The following SDC2 variants were observed in gnomAD, a reference collection of about 807,000 sequenced individuals.
SDC2 encodes syndecan 2.
A neutral mutation model predicts 22.2 loss-of-function variants in SDC2; 13 were observed. That is an observed-to-expected ratio of 0.59 (90% CI 0.38 to 0.93). The LOEUF is 0.93. SDC2 is among the 40% of genes least tolerant of loss of function. SDC2 has a pLI of 0.00. For synonymous variants in SDC2, 94 were observed against 92.8 expected (o/e 1.01, Z -0.07); for missense variants, 235 against 246.8 (o/e 0.95, Z 0.32).
At chr8:96,523,653 T>C (rs1022657684) in intron 1 of SDC2, among the ~76,000 whole-genome samples, 1 of 152,178 alleles carries the variant, frequency 6.6e-6, no homozygotes, top group Non-Finnish European at 1.5e-5. Context: ...AGGCGGAGAC[T>C]CATTGAAAAC....
chr8:96,521,074 A>G (rs913250160), intron 1 of SDC2, among the ~76,000 whole-genome samples: 1 of 152,228 alleles, frequency 6.6e-6, no homozygotes, highest in Non-Finnish European at 1.5e-5. Flanking sequence ...AAGGAGAATC[A>G]GTCAAAACTT....
chr8:96,528,936 C>A (rs933455826), intron 1 of SDC2, among the ~76,000 whole-genome samples: 6 of 152,190 alleles, frequency 3.9e-5, no homozygotes, highest in Admixed American at 3.9e-4. Flanking sequence ...TACTTTACCT[C>A]TCTTGGTCTC....
At chr8:96,500,538 T>G (rs1161542771) in intron 1 of SDC2, among the ~76,000 whole-genome samples, 1 of 151,584 alleles carries the variant, frequency 6.6e-6, no homozygotes, top group Non-Finnish European at 1.5e-5. Context: ...GATGGGCACC[T>G]ATAATCCCAG....
chr8:96,595,704 A>G (rs1814863046), intron 2 of SDC2, among the ~76,000 whole-genome samples: 1 of 152,248 alleles, frequency 6.6e-6, no homozygotes, highest in African/African-American at 2.4e-5. Context: ...AGAAACCAGT[A>G]TGCTTAAAGT....
intron 1 of SDC2, among the ~76,000 whole-genome samples, chr8:96,547,933 G>A (rs1813962226): frequency 6.6e-6 from 1 of 151,290 alleles, no homozygotes; most frequent in Non-Finnish European, 1.5e-5. Flanking sequence ...GGCTAATTTT[G>A]TTTAATTTTT....
At position 96,600,668 on chromosome 8, in the gene SDC2, A is replaced by G. The variant is rs995838160; in HGVS notation, c.173-1727A>G. Among the ~76,000 whole-genome samples the G allele has an allele frequency of 3.9e-5, 6 of 152,180 alleles. No individual in the cohort carries two copies. The East Asian group carries it at 1.2e-3, about 29-fold the overall frequency. Reference sequence around the variant, plus strand: ...AAGAAGATAAGATTGATAGGACTGGATAATGGATTCAAAAACAAGGTAAGG... The same window carrying G: ...AAGAAGATAAGATTGATAGGACTGGGTAATGGATTCAAAAACAAGGTAAGG... On this transcript the variant is annotated intron_variant, in intron 2 of 4. Transcript: ENST00000302190.
chr8:96,538,925 C>A (rs955920639), intron 1 of SDC2: 21 of 152,220 alleles, frequency 1.4e-4, no homozygotes, highest in African/African-American at 4.8e-4. Flanking sequence ...TTTTGGTCAT[C>A]CCTATGAAAG....
chr8:96,584,088 T>C (rs1426908778), intron 1 of SDC2, among the ~76,000 whole-genome samples: 1 of 152,246 alleles, frequency 6.6e-6, no homozygotes, highest in East Asian at 1.9e-4. Flanking sequence ...TTCTGTTAGT[T>C]GGCATCTTTT....
chr8:96,578,647 T>C (rs1436800430), intron 1 of SDC2, among the ~76,000 whole-genome samples: 1 of 152,150 alleles, frequency 6.6e-6, no homozygotes, highest in Non-Finnish European at 1.5e-5. Flanking sequence ...ACTTTGGGGA[T>C]AAAAAGGCTG....
At chr8:96,537,856 C>T (rs1813778399) in intron 1 of SDC2, among the ~76,000 whole-genome samples, 2 of 152,176 alleles carry the variant, frequency 1.3e-5, no homozygotes, top group African/African-American at 2.4e-5. Flanking sequence ...TGACTTCAGG[C>T]CTAATTGGTT....
rs1329448270 is a variant in SDC2, at chr8:96,565,097, T to TTTTTTTTTTTTTTTTTTTTTTTTG, written c.61-28381_61-28380insTTTTTTTTTTTTTTTTTTTTTGTT. Among the ~76,000 whole-genome samples the TTTTTTTTTTTTTTTTTTTTTTTTG allele has an allele frequency of 5.4e-5, 7 of 128,666 alleles. 1 individual carries two copies. Among genetic ancestry groups the TTTTTTTTTTTTTTTTTTTTTTTTG allele is most frequent in the African/African-American group, 1.9e-4 (6 of 31,344 alleles). 84.4% of individuals were successfully genotyped at this position (128,666 alleles called of 152,430 possible). A position where few individuals can be genotyped will look rare whatever the true frequency, so the allele number is the denominator to read the frequency against. The stretch of plus-strand genomic sequence containing the variant: ...ATCCTAAATTTGATTTTTTTTTTTT[T>TTTTTTTTTTTTTTTTTTTTTTTTG]TTGTTGAGATGGGGAGTGTTGCTCT... On this transcript the variant is annotated intron_variant, in intron 1 of 4. Coordinates refer to ENST00000302190, the MANE Select transcript of SDC2 (RefSeq NM_002998.4).
chr8:96,570,195 G>T (rs1454105147), intron 1 of SDC2, among the ~76,000 whole-genome samples: 1 of 152,134 alleles, frequency 6.6e-6, no homozygotes. Context: ...GGCAGAGCCA[G>T]GCAAGTCTGG....
chr8:96,602,048 G>A (rs1193401456), intron 2 of SDC2, among the ~76,000 whole-genome samples: 2 of 152,146 alleles, frequency 1.3e-5, no homozygotes, highest in Non-Finnish European at 2.9e-5. Flanking sequence ...GTGAGCCCCT[G>A]CACCTGGACT....
At chr8:96,593,682 A>G in intron 2 of SDC2, 91 bp downstream of exon 2, 1 of 835,836 alleles carries the variant, frequency 1.2e-6, no homozygotes, top group Non-Finnish European at 2.0e-6. Flanking sequence ...GACAGGCAGG[A>G]TGCACAGTGG....
chr8:96,604,459 G>A (rs955181271), intron 3 of SDC2, among the ~76,000 whole-genome samples: 10 of 152,172 alleles, frequency 6.6e-5, no homozygotes, highest in South Asian at 2.1e-4. Flanking sequence ...ATTATGTGTC[G>A]AACACTGTTT....
chr8:96,588,828 C>T (rs904631755), intron 1 of SDC2, among the ~76,000 whole-genome samples: 5 of 152,258 alleles, frequency 3.3e-5, no homozygotes, highest in African/African-American at 1.2e-4. Context: ...TGCAGGACCT[C>T]TGCTTAGTAG....
chr8:96,566,689 A>G (rs1041462838), intron 1 of SDC2, among the ~76,000 whole-genome samples: 17 of 150,082 alleles, frequency 1.1e-4, no homozygotes, highest in Non-Finnish European at 2.2e-4. Flanking sequence ...TTTTATTTTT[A>G]TATTTATTTT....
intron 1 of SDC2, among the ~76,000 whole-genome samples, chr8:96,508,615 G>A (rs1813285453): frequency 7.1e-6 from 1 of 141,714 alleles, no homozygotes; most frequent in African/African-American, 2.5e-5. Context: ...TTTATTAAAA[G>A]GCAGTAACAT....
chr8:96,594,330 G>A (rs1814836216), intron 2 of SDC2, among the ~76,000 whole-genome samples: 1 of 152,148 alleles, frequency 6.6e-6, no homozygotes, highest in Admixed American at 6.5e-5. Flanking sequence ...GGTTGGGTTT[G>A]CAGCTTTCGG....
Sources: gnomAD v4.1 joint callset for allele counts (sites outside exome capture counted in the v4.1 genomes callset) on GRCh38, gnomAD v4.1.1 for gene constraint, MANE v1.5 for transcripts, NCBI Gene and HGNC (gene_info 2026-07-23, HGNC 2026-07-21) for gene names.